Variants in DIAPH2 observed in about 807,000 individuals in gnomAD.
The protein encoded by DIAPH2 is protein diaphanous homolog 2.
In DIAPH2, 35 loss-of-function variants were observed where a neutral mutation model predicts 92.7. That is an observed-to-expected ratio of 0.38 (90% CI 0.29 to 0.50). The LOEUF (loss-of-function observed/expected upper bound fraction) is 0.50. DIAPH2 is among the 20% of genes least tolerant of loss of function. The probability of loss-of-function intolerance (pLI) is 0.94; values close to 1 mark genes in which losing one functional copy is unlikely to be tolerated. For missense variants in DIAPH2, 701 were observed against 819.5 expected, an observed-to-expected ratio of 0.86 and a Z score of 1.77; for synonymous variants, 301 against 280.4, an observed-to-expected ratio of 1.07 and a Z score of -0.73.
At chrX:96,779,156 T>C (rs2064398391) in intron 4 of DIAPH2, among the ~76,000 whole-genome samples, 1 of 112,149 alleles carries the variant, frequency 8.9e-6, no homozygotes, top group Non-Finnish European at 1.9e-5. Context: ...CTGGTATTCT[T>C]CTGTAAAGTA....
intron 11 of DIAPH2, among the ~76,000 whole-genome samples, chrX:96,937,794 T>C (rs2065667356): frequency 8.9e-6 from 1 of 112,203 alleles, no homozygotes; most frequent in East Asian, 2.8e-4. Flanking sequence ...TTGTGTTTCT[T>C]AACAATAACA....
chrX:96,965,054 T>G, intron 16 of DIAPH2, 39 bp from the exon 17 acceptor site: 1 of 1,138,693 alleles, frequency 8.8e-7, no homozygotes, highest in Non-Finnish European at 1.2e-6. Context: ...AAATATGAGG[T>G]TATAATTTAG....
chrX:97,075,220 C>G lies in DIAPH2; in HGVS notation c.2206C>G (p.Leu736Val), dbSNP rs939283164. ...ATATGAAGACATAAGAAACGTTATTCTGGAGGTTAATGAAGACATGCTGAG... is the reference window on the plus strand; with the variant it reads ...ATATGAAGACATAAGAAACGTTATTGTGGAGGTTAATGAAGACATGCTGAG... ...MPYEDIRNVI[L>V]EVNEDMLSEA... Residue 736 changes from leucine (L) to valine (V), a missense_variant, in exon 19 of 27, where the codon CTG becomes GTG. Leu to Val is a conservative substitution (Grantham distance 32). Around this residue, in one of 3 missense-constraint regions of DIAPH2, gnomAD observed 536 missense variants for 599.3 expected, o/e 0.89. Coordinates refer to ENST00000324765, the MANE Select transcript of DIAPH2 (RefSeq NM_006729.5). 1 of 1,190,889 alleles carries G rather than the reference C, an allele frequency of 8.4e-7. No homozygotes were observed. Among genetic ancestry groups the G allele is most frequent in the Non-Finnish European group, 1.1e-6 (1 of 884,240 alleles).
rs148067191 is a variant in DIAPH2 at position 96,860,253 on chromosome X, C to T, written c.448-21326C>T. ...CAGAAAAATACCTGCAAGTTTATTA[C>T]ACACGGGATTAATATTGTTAGTATC... On this transcript the variant is annotated intron_variant, in intron 4 of 26. Transcript: ENST00000324765. 3.9e-3 allele frequency among the ~76,000 whole-genome samples: 438 copies of T among 112,006 alleles called. 3 individuals are homozygous for T. The highest frequency in any genetic ancestry group is 0.014 in the African/African-American group (418 of 30,859).
rs138335524 is a variant in DIAPH2, at chrX:97,077,448, C to A, written c.2247+2187C>A. Among the ~76,000 whole-genome samples the A allele has an allele frequency of 2.7e-3, 309 of 112,398 alleles. 1 individual carries two copies. The highest frequency in any genetic ancestry group is 4.6e-3 in the Middle Eastern group (1 of 216). On this transcript the variant is annotated intron_variant, in intron 19 of 26. Coordinates refer to ENST00000324765, the MANE Select transcript of DIAPH2 (RefSeq NM_006729.5). ...CATCAGATTAACTTTGTTGTAAGTTCTATTTGATTACAGTGCTAAACTCCA... is the reference window on the plus strand; with the variant it reads ...CATCAGATTAACTTTGTTGTAAGTTATATTTGATTACAGTGCTAAACTCCA...
At position 96,962,392 on chromosome X, in the gene DIAPH2, CACATATATATACACATATATATAT is replaced by C. The variant is rs1262285352; in HGVS notation, c.1936-2697_1936-2674del. Among the ~76,000 whole-genome samples the C allele has an allele frequency of 1.9e-3, 106 of 55,550 alleles. 4 individuals carry two copies. Among genetic ancestry groups the C allele is most frequent in the Non-Finnish European group, 2.4e-3 (79 of 33,412 alleles). 48.2% of individuals were successfully genotyped at this position (55,550 alleles called of 115,157 possible). A position where few individuals can be genotyped will look rare whatever the true frequency, so the allele number is the denominator to read the frequency against. On this transcript the variant is annotated intron_variant, in intron 16 of 26. Transcript: ENST00000324765. ...ACATATATATATACACATATATATA[CACATATATATACACATATATATAT>C]ACACATATATATACATATATATATA...
chrX:97,133,523 G>C (rs2067151872), intron 21 of DIAPH2, among the ~76,000 whole-genome samples: 1 of 111,749 alleles, frequency 8.9e-6, no homozygotes, highest in Non-Finnish European at 1.9e-5. Flanking sequence ...CTGACCTCAA[G>C]TGATCCACCC....
intron 4 of DIAPH2, among the ~76,000 whole-genome samples, chrX:96,821,040 A>AG (rs2064774364): frequency 1.8e-5 from 2 of 111,488 alleles, no homozygotes; most frequent in African/African-American, 3.3e-5. Context: ...GCAAAACAAT[A>AG]AGAAAGCCAG....
chrX:97,298,760 G>A (rs1352861960), intron 23 of DIAPH2, among the ~76,000 whole-genome samples: 5 of 109,598 alleles, frequency 4.6e-5, no homozygotes, highest in Non-Finnish European at 9.5e-5. Context: ...GACTACAGGT[G>A]TCCACCACCA....
intron 13 of DIAPH2, among the ~76,000 whole-genome samples, chrX:96,944,505 T>C (rs1009105361): frequency 1.8e-5 from 2 of 112,285 alleles, no homozygotes; most frequent in African/African-American, 6.4e-5. Context: ...CTTTTAGTTC[T>C]TTCTTTCCAT....
At position 97,427,491 on chromosome X, in the gene DIAPH2, T is replaced by C. The variant is rs774563940; in HGVS notation, c.3146-2159T>C. ...ATATAGTTCTTATCTCAGTATGTTG[T>C]GAGGATTAAAATATCTAACAACTGT... On this transcript the variant is annotated intron_variant, in intron 25 of 26. Coordinates refer to ENST00000324765, the MANE Select transcript of DIAPH2 (RefSeq NM_006729.5). Among the ~76,000 whole-genome samples, 2 of 111,607 alleles carry C rather than the reference T, an allele frequency of 1.8e-5. 1 individual carries two copies. Among genetic ancestry groups the C allele is most frequent in the South Asian group, 7.5e-4 (2 of 2,654 alleles).
chrX:97,211,742 A>G (rs930013163), intron 22 of DIAPH2, among the ~76,000 whole-genome samples: 2 of 111,450 alleles, frequency 1.8e-5, no homozygotes, highest in African/African-American at 6.5e-5. Context: ...CTGAGTCTTT[A>G]TACAGCATAT....
At chrX:97,524,241 G>A (rs55705976) in intron 26 of DIAPH2, among the ~76,000 whole-genome samples, 260 of 112,028 alleles carry the variant, frequency 2.3e-3, no homozygotes, top group Non-Finnish European at 3.8e-3. Context: ...ATTTATAGTA[G>A]TTGCTCAATA....
chrX:97,091,351 C>G (rs1481153621), intron 19 of DIAPH2, among the ~76,000 whole-genome samples: 1 of 110,982 alleles, frequency 9.0e-6, no homozygotes, highest in Non-Finnish European at 1.9e-5. Context: ...TGGTCCAATC[C>G]TACGTCGCTG....
At chrX:96,814,402 G>C (rs975104393) in intron 4 of DIAPH2, among the ~76,000 whole-genome samples, 3 of 111,562 alleles carry the variant, frequency 2.7e-5, no homozygotes, top group African/African-American at 9.8e-5. Flanking sequence ...TCTCTACACT[G>C]TTTATTCTAG....
At chrX:96,791,509 G>C (rs1335721217) in intron 4 of DIAPH2, among the ~76,000 whole-genome samples, 1 of 101,846 alleles carries the variant, frequency 9.8e-6, no homozygotes, top group Non-Finnish European at 2.0e-5. Flanking sequence ...CTGTCCCCCA[G>C]CTTGGGTGAC....
intron 5 of DIAPH2, among the ~76,000 whole-genome samples, chrX:96,894,620 G>T (rs1244948187): frequency 9.0e-6 from 1 of 111,289 alleles, no homozygotes; most frequent in Non-Finnish European, 1.9e-5. Flanking sequence ...TCAAGCTGGG[G>T]GTATTCTCTG....
intron 26 of DIAPH2, among the ~76,000 whole-genome samples, chrX:97,550,096 C>T (rs770426113): frequency 2.7e-5 from 3 of 112,637 alleles, no homozygotes; most frequent in South Asian, 7.3e-4. Context: ...CAGTGGCTCA[C>T]GCCTGTAATC....
chrX:97,197,494 A>G (rs1041774194), intron 22 of DIAPH2, among the ~76,000 whole-genome samples: 1 of 112,423 alleles, frequency 8.9e-6, no homozygotes. Context: ...TCTTCATCTC[A>G]TATAAGGTAG....
Sources: allele counts gnomAD v4.1 joint callset (sites outside exome capture counted in the v4.1 genomes callset), GRCh38; gene constraint gnomAD v4.1.1; regional missense constraint gnomAD v4.1.1; transcripts MANE v1.5; gene names NCBI Gene and HGNC (gene_info 2026-07-23, HGNC 2026-07-21).